The following BEND7 variants were observed in gnomAD, a reference collection of about 807,000 sequenced individuals.
BEND7 encodes the protein BEN domain containing 7, also known as BEN domain-containing protein 7.
A neutral mutation model predicts 50.9 loss-of-function variants in BEND7; 28 were observed. The observed-to-expected ratio is 0.55, with a 90% CI of 0.41 to 0.75. BEND7 has a LOEUF of 0.75. Among genes scored for constraint, BEND7 ranks in the 30% least tolerant of loss-of-function variants. The probability of loss-of-function intolerance (pLI) is 0.00; values close to 1 mark genes in which losing one functional copy is unlikely to be tolerated. For missense variants in BEND7, 477 were observed against 491.3 expected, an observed-to-expected ratio of 0.97 and a Z score of 0.28; for synonymous variants, 170 against 183.9, an observed-to-expected ratio of 0.92 and a Z score of 0.61.
intron 6 of BEND7, among the ~76,000 whole-genome samples, chr10:13,473,535 C>T (rs1346954016): frequency 1.4e-5 from 2 of 138,898 alleles, no homozygotes; most frequent in African/African-American, 5.4e-5. Context: ...TGCTGTTACA[C>T]TCAGGGCCAA....
intron 2 of BEND7, among the ~76,000 whole-genome samples, chr10:13,504,389 G>C (rs1229425515): frequency 2.0e-5 from 3 of 152,218 alleles, no homozygotes; most frequent in Non-Finnish European, 4.4e-5. Context: ...GGTAGTCCAG[G>C]AGGGGCACAG....
chr10:13,502,912 A>G, intron 2 of BEND7: 1 of 985,468 alleles, frequency 1.0e-6, no homozygotes, highest in Non-Finnish European at 1.2e-6. Context: ...CTGACACATC[A>G]CAGGAGAAGG....
At chr10:13,442,687 T>C (rs1031320824) in intron 8 of BEND7, 2 of 152,214 alleles carry the variant, frequency 1.3e-5, no homozygotes, top group Admixed American at 6.5e-5. Context: ...CTGTCAGGTA[T>C]CATGTAGATA....
rs1189671187 is a variant in BEND7, at chr10:13,492,792, T to A, written c.656A>T (p.Lys219Ile). ...TAVSRKRNKK[K>I]KVPPKTVEPL... ...TTCCACAGTCTTTGGGGGCACTTTT[T>A]TCTTTTTATTTCTCTTTCGTGAGAC... is the stretch of plus-strand genomic sequence containing the variant. The change falls in exon 5 of 9, where the codon AAA (lysine) becomes ATA (isoleucine). Residue 219 changes from lysine (K) to isoleucine (I), a missense_variant. Physicochemically the swap from Lys to Ile is moderately radical, Grantham distance 102. Around this residue, in one of 3 missense-constraint regions of BEND7, gnomAD observed 396 missense variants for 384.2 expected, o/e 1.03. Transcript: ENST00000466271. 2 of 1,607,742 alleles carry A rather than the reference T, an allele frequency of 1.2e-6. No homozygotes were observed. Among genetic ancestry groups the A allele is most frequent in the Non-Finnish European group, 1.7e-6 (2 of 1,178,668 alleles).
chr10:13,514,685 A>T (rs2078535083), intron 2 of BEND7, among the ~76,000 whole-genome samples: 1 of 152,212 alleles, frequency 6.6e-6, no homozygotes, highest in African/African-American at 2.4e-5. Flanking sequence ...ACTTGTAGAG[A>T]AACGCTAAAG....
At chr10:13,480,395 G>C (rs1248486823) in intron 6 of BEND7, among the ~76,000 whole-genome samples, 1 of 152,148 alleles carries the variant, frequency 6.6e-6, no homozygotes, top group South Asian at 2.1e-4. Flanking sequence ...AGCGGGCCAG[G>C]CATGTGTGGG....
chr10:13,463,693 T>C (rs1041051791), intron 6 of BEND7, among the ~76,000 whole-genome samples: 6 of 152,162 alleles, frequency 3.9e-5, no homozygotes, highest in Non-Finnish European at 7.4e-5. Flanking sequence ...TCTTTTAAAA[T>C]GGGCACAAAA....
chr10:13,497,886 G>A (rs1469589413), intron 3 of BEND7, among the ~76,000 whole-genome samples: 1 of 151,870 alleles, frequency 6.6e-6, no homozygotes, highest in Non-Finnish European at 1.5e-5. Context: ...GCATTATTTA[G>A]GAATACTATA....
intron 6 of BEND7, among the ~76,000 whole-genome samples, chr10:13,464,590 G>C (rs899887614): frequency 6.6e-6 from 1 of 152,128 alleles, no homozygotes; most frequent in South Asian, 2.1e-4. Context: ...TTCTTAGAGA[G>C]GGGATATGAA....
At chr10:13,450,674 G>A (rs1837470746) in intron 7 of BEND7, among the ~76,000 whole-genome samples, 1 of 152,084 alleles carries the variant, frequency 6.6e-6, no homozygotes, top group South Asian at 2.1e-4. Flanking sequence ...CAAGTATCTG[G>A]GCAGATCATC....
chr10:13,488,600 G>A (rs1294649297), intron 5 of BEND7, among the ~76,000 whole-genome samples: 1 of 152,136 alleles, frequency 6.6e-6, no homozygotes, highest in East Asian at 1.9e-4. Context: ...CGATTCTCCT[G>A]CCTCAGCCTC....
chr10:13,441,315 A>G lies in BEND7; in HGVS notation c.*428T>C. 3.0e-6 allele frequency: 3 copies of G among 994,062 alleles called. No individual in the cohort carries two copies. The highest frequency in any genetic ancestry group is 3.6e-6 in the Non-Finnish European group (3 of 835,310). 61.6% of individuals were successfully genotyped at this position (994,062 alleles called of 1,614,324 possible). The stretch of plus-strand genomic sequence containing the variant: ...GATATGGATTTTTTTTTTGCTAAGA[A>G]AGCCTATAAAAAGGTTTCTGAATAA... On this transcript the variant is annotated 3_prime_UTR_variant, in exon 9 of 9. Transcript: ENST00000466271.
intron 6 of BEND7, among the ~76,000 whole-genome samples, chr10:13,479,958 G>A (rs1040314267): frequency 2.6e-5 from 4 of 152,192 alleles, no homozygotes; most frequent in Non-Finnish European, 5.9e-5. Context: ...GGGAACAGAA[G>A]GGGGCAGAGA....
At chr10:13,527,777 C>A in intron 1 of BEND7, 1 of 937,382 alleles carries the variant, frequency 1.1e-6, no homozygotes, top group Non-Finnish European at 1.3e-6. Flanking sequence ...AGTAACTGAA[C>A]ACAGACAAGA....
chr10:13,481,668 C>T (rs781738064), intron 5 of BEND7, among the ~76,000 whole-genome samples: 8 of 152,140 alleles, frequency 5.3e-5, no homozygotes, highest in Non-Finnish European at 1.2e-4. Context: ...TTTTTTTCCC[C>T]AATGAAAACT....
chr10:13,442,902 T>C (rs1053353184), intron 8 of BEND7: 1 of 152,252 alleles, frequency 6.6e-6, no homozygotes, highest in African/African-American at 2.4e-5. Context: ...TTTCATCTTC[T>C]AAGATGATGA....
Position 13,494,072 on chromosome 10 carries a change from G to A in BEND7, c.572-1196C>T, listed in dbSNP as rs147060065. On this transcript the variant is annotated intron_variant, in intron 4 of 8. Coordinates refer to ENST00000466271, the MANE Select transcript of BEND7 (RefSeq NM_001369863.1). Reference sequence around the variant, plus strand: ...AGTTTTTAAACCAGTAATTAGTCTAGCTCAATGGTTCTCAACCTTGGTTGT... The same window carrying A: ...AGTTTTTAAACCAGTAATTAGTCTAACTCAATGGTTCTCAACCTTGGTTGT... Among the ~76,000 whole-genome samples, 75 of 152,266 alleles carry A rather than the reference G, an allele frequency of 4.9e-4. No individual in the cohort carries two copies. In the East Asian group the frequency reaches 0.014, roughly 27 times the overall value.
chr10:13,508,806 A>G (rs1468009339), intron 2 of BEND7, among the ~76,000 whole-genome samples: 3 of 152,254 alleles, frequency 2.0e-5, no homozygotes, highest in African/African-American at 4.8e-5. Context: ...TCAGGAGTTT[A>G]CAGCCTAGCA....
At chr10:13,450,007 A>T (rs1230381215) in intron 7 of BEND7, among the ~76,000 whole-genome samples, 1 of 152,226 alleles carries the variant, frequency 6.6e-6, no homozygotes, top group Non-Finnish European at 1.5e-5. Context: ...CTTTACTCTG[A>T]GATCTAACAC....
Sources: allele counts gnomAD v4.1 joint callset (sites outside exome capture counted in the v4.1 genomes callset), GRCh38; gene constraint gnomAD v4.1.1; regional missense constraint gnomAD v4.1.1; transcripts MANE v1.5; gene names NCBI Gene and HGNC (gene_info 2026-07-23, HGNC 2026-07-21).